Variants in SARNP observed in about 807,000 individuals in gnomAD.
SARNP encodes SAP domain-containing ribonucleoprotein.
Under a neutral mutation model 38.1 loss-of-function variants are expected in SARNP, and 5 were observed. That is an observed-to-expected ratio of 0.13 (90% CI 0.07 to 0.28). SARNP has a LOEUF of 0.28. Among genes scored for constraint, SARNP ranks in the 10% least tolerant of loss-of-function variants. The pLI is 1.00. For missense variants in SARNP, 180 were observed against 243.9 expected, an observed-to-expected ratio of 0.74 and a Z score of 1.75; for synonymous variants, 84 against 80.6, an observed-to-expected ratio of 1.04 and a Z score of -0.23.
intron 9 of SARNP, among the ~76,000 whole-genome samples, chr12:55,777,130 A>G (rs1879204428): frequency 6.6e-6 from 1 of 152,164 alleles, no homozygotes; most frequent in Non-Finnish European, 1.5e-5. Flanking sequence ...CTTACTACAA[A>G]TTTCTTTACC....
intron 9 of SARNP, among the ~76,000 whole-genome samples, chr12:55,787,632 T>TCA (rs904082217): frequency 2.0e-5 from 3 of 152,176 alleles, no homozygotes; most frequent in African/African-American, 7.2e-5. Context: ...AGACAGGGTT[T>TCA]CACCATGTTG....
At chr12:55,760,890 T>C in intron 9 of SARNP, 1 of 396,682 alleles carries the variant, frequency 2.5e-6, no homozygotes, top group Non-Finnish European at 4.5e-6. Context: ...AAAGAAACAG[T>C]AAGAGGCCGG....
chr12:55,775,704 T>G lies in SARNP; in HGVS notation c.501+13371A>C, dbSNP rs150289888. Among the ~76,000 whole-genome samples the G allele has an allele frequency of 6.6e-3, 998 of 152,162 alleles. 9 individuals are homozygous for G. Among genetic ancestry groups the G allele is most frequent in the African/African-American group, 0.022 (925 of 41,516 alleles). On this transcript the variant is annotated intron_variant, in intron 9 of 10. Transcript: ENST00000336133. ...CAAACATCACCAACAAGTATTCCCC[T>G]TAAAACATCTCCAATTTGATGTCCT...
intron 9 of SARNP, among the ~76,000 whole-genome samples, chr12:55,771,173 G>C (rs1335174342): frequency 1.3e-5 from 2 of 152,018 alleles, no homozygotes; most frequent in Non-Finnish European, 2.9e-5. Flanking sequence ...AGCCAGGCTG[G>C]TCTCGAACTC....
intron 1 of SARNP, among the ~76,000 whole-genome samples, chr12:55,806,037 CA>C (rs1192118341): frequency 0.023 from 2,497 of 107,594 alleles, 32 homozygotes; most frequent in African/African-American, 0.058. Flanking sequence ...AATTCTGTCT[CA>C]AAAAAAAAAA....
chr12:55,816,497 A>AATT (rs1880490247), intron 1 of SARNP, among the ~76,000 whole-genome samples: 1 of 152,224 alleles, frequency 6.6e-6, no homozygotes, highest in Non-Finnish European at 1.5e-5. Context: ...TAAGAAAAAC[A>AATT]TCAGTTTCAC....
intron 9 of SARNP, among the ~76,000 whole-genome samples, chr12:55,769,537 G>A (rs1404591270): frequency 6.6e-6 from 1 of 152,180 alleles, no homozygotes; most frequent in African/African-American, 2.4e-5. Flanking sequence ...TGAATCTTGT[G>A]AATCACCATA....
intron 9 of SARNP, among the ~76,000 whole-genome samples, chr12:55,772,085 A>G (rs188271967): frequency 6.6e-6 from 1 of 152,280 alleles, no homozygotes; most frequent in African/African-American, 2.4e-5. Context: ...CAACCAGACG[A>G]CAGAACATAG....
rs766458995 is a variant in SARNP, at chr12:55,757,603, C to T, written c.592-50G>A. The T allele has an allele frequency of 4.1e-6, 6 of 1,477,904 alleles. No individual in the cohort carries two copies. The East Asian group carries it at 1.4e-4, about 34-fold the overall frequency. The allele number at this position is 1,477,904 out of a possible 1,614,324, so 91.5% of individuals were successfully genotyped here. On this transcript the variant is annotated intron_variant, in intron 10 of 10. Coordinates refer to ENST00000336133, the MANE Select transcript of SARNP (RefSeq NM_033082.4). ...AAAATTAGACTGAAGACAATAGTTG[C>T]CTGGGTTCCTGGCTGCTTTAATCCA...
chr12:55,775,382 G>A (rs1186563733), intron 9 of SARNP, among the ~76,000 whole-genome samples: 1 of 143,448 alleles, frequency 7.0e-6, no homozygotes, highest in African/African-American at 2.6e-5. Context: ...CAACATGGGT[G>A]AAACCCGGCC....
chr12:55,764,707 G>A (rs760044750), intron 9 of SARNP, among the ~76,000 whole-genome samples: 4 of 148,366 alleles, frequency 2.7e-5, no homozygotes, highest in Non-Finnish European at 4.5e-5. Context: ...GTGTGGTGGC[G>A]AGTAGTAGTC....
Position 55,794,854 on chromosome 12 carries a change from G to A in SARNP, c.330C>T (p.Phe110=), listed in dbSNP as rs1385905517. 6.5e-7 allele frequency: 1 copy of A among 1,545,878 alleles called. No homozygotes were observed. Among genetic ancestry groups the A allele is most frequent in the Admixed American group, 1.8e-5 (1 of 56,706 alleles). Reference sequence around the variant, plus strand: ...TACTCTCCAAGCTCACAGGTACATTGAATCGTTCAGCCCTCTTCTGCATTC... The same window carrying A: ...TACTCTCCAAGCTCACAGGTACATTAAATCGTTCAGCCCTCTTCTGCATTC... ...TERMQKRAER[F]NVPVSLESKK... Residue 110 remains phenylalanine, a synonymous_variant, in exon 6 of 11, where the codon TTC becomes TTT. Transcript: ENST00000336133.
intron 3 of SARNP, 85 bp downstream of exon 3, chr12:55,800,769 T>C: frequency 7.5e-7 from 1 of 1,338,126 alleles, no homozygotes; most frequent in Admixed American, 1.7e-5. Flanking sequence ...AATTTACATC[T>C]AAGTCCTCCA....
intron 7 of SARNP, among the ~76,000 whole-genome samples, chr12:55,791,830 C>A (rs1429204868): frequency 1.3e-5 from 2 of 152,118 alleles, no homozygotes; most frequent in Non-Finnish European, 2.9e-5. Flanking sequence ...TTCAAAAAAA[C>A]AGTGCTTGCT....
intron 4 of SARNP, among the ~76,000 whole-genome samples, chr12:55,797,852 G>A (rs1879864467): frequency 6.6e-6 from 1 of 152,114 alleles, no homozygotes; most frequent in Non-Finnish European, 1.5e-5. Context: ...ACATACTTCA[G>A]TCTAACCACA....
intron 9 of SARNP, among the ~76,000 whole-genome samples, chr12:55,776,435 A>G (rs1879184386): frequency 1.3e-5 from 2 of 152,132 alleles, no homozygotes; most frequent in Non-Finnish European, 2.9e-5. Flanking sequence ...AAACAAAACA[A>G]AACAAAAAAA....
intron 9 of SARNP, among the ~76,000 whole-genome samples, chr12:55,776,200 T>A (rs980799206): frequency 1.5e-4 from 23 of 152,128 alleles, no homozygotes; most frequent in African/African-American, 5.6e-4. Context: ...ATCCAAGCAC[T>A]TTGAGAGGCA....
At position 55,757,541 on chromosome 12, in the gene SARNP, TCCTCTTCTTTG is replaced by T. The variant is rs1878547031; in HGVS notation, c.593_603del (p.Ala198GlufsTer15). Reference sequence around the variant, plus strand: ...GCAATCCCAAAGCGCTCTGCTCTTTTCCTCTTCTTTGCCTGTAAAGAAGAAGCAAGAAGAAA... The same window carrying T: ...GCAATCCCAAAGCGCTCTGCTCTTTTCCTGTAAAGAAGAAGCAAGAAGAAA... On this transcript the variant is annotated frameshift_variant and splice_region_variant, in exon 11 of 11. Coordinates refer to ENST00000336133, the MANE Select transcript of SARNP (RefSeq NM_033082.4). LOFTEE classifies it high-confidence loss of function. The T allele has an allele frequency of 6.2e-6, 10 of 1,610,058 alleles. No individual in the cohort carries two copies. The highest frequency in any genetic ancestry group is 7.6e-6 in the Non-Finnish European group (9 of 1,178,980).
At chr12:55,797,132 T>A (rs537568977) in intron 4 of SARNP, among the ~76,000 whole-genome samples, 1 of 152,230 alleles carries the variant, frequency 6.6e-6, no homozygotes, top group Non-Finnish European at 1.5e-5. Context: ...TTTGTTCCAA[T>A]ATCCTGAACA....
Sources: gnomAD v4.1 joint callset for allele counts (sites outside exome capture counted in the v4.1 genomes callset) on GRCh38, gnomAD v4.1.1 for gene constraint, MANE v1.5 for transcripts, NCBI Gene and HGNC (gene_info 2026-07-23, HGNC 2026-07-21) for gene names.